KAT6B: variants seen among roughly 807,000 people sequenced by gnomAD.
KAT6B encodes the protein histone acetyltransferase KAT6B.
Under a neutral mutation model 187.5 loss-of-function variants are expected in KAT6B, and 10 were observed. That is an observed-to-expected ratio of 0.05 (90% CI 0.03 to 0.09). The LOEUF (loss-of-function observed/expected upper bound fraction) is 0.09. KAT6B is among the 10% of genes least tolerant of loss of function. The pLI is 1.00. For missense variants in KAT6B, 1,952 were observed against 2,558.9 expected (o/e 0.76, Z 5.12); for synonymous variants, 861 against 926.8 (o/e 0.93, Z 1.29).
In KAT6B at chr10:74,842,720, G is replaced by C; in HGVS notation, c.-138G>C. 1.1e-6 allele frequency: 1 copy of C among 935,998 alleles called. No homozygotes were observed. Among genetic ancestry groups the C allele is most frequent in the Non-Finnish European group, 1.7e-6 (1 of 587,790 alleles). 58.0% of individuals were successfully genotyped at this position (935,998 alleles called of 1,614,324 possible). A position where few individuals can be genotyped will look rare whatever the true frequency, so the allele number is the denominator to read the frequency against. On this transcript the variant is annotated 5_prime_UTR_variant, in exon 3 of 18. Coordinates refer to ENST00000287239, the MANE Select transcript of KAT6B (RefSeq NM_012330.4). ...TTGAATCTCTTAAGGATGGATGTTTGTAAGATGTTGCTTAATACAGTCTGG... is the reference window on the plus strand; with the variant it reads ...TTGAATCTCTTAAGGATGGATGTTTCTAAGATGTTGCTTAATACAGTCTGG...
intron 6 of KAT6B, among the ~76,000 whole-genome samples, chr10:74,970,452 G>A (rs929980915): frequency 1.4e-4 from 22 of 152,018 alleles, no homozygotes; most frequent in African/African-American, 5.1e-4. Context: ...ACAGTGTTAA[G>A]AGCTTAACAA....
intron 3 of KAT6B, among the ~76,000 whole-genome samples, chr10:74,928,784 C>G (rs1215419660): frequency 6.6e-6 from 1 of 152,174 alleles, no homozygotes; most frequent in Non-Finnish European, 1.5e-5. Context: ...TGACCTTGGT[C>G]TGAGGCATGT....
chr10:74,972,104 A>G (rs537090820), intron 6 of KAT6B, among the ~76,000 whole-genome samples: 4 of 152,206 alleles, frequency 2.6e-5, no homozygotes, highest in Non-Finnish European at 5.9e-5. Context: ...TTAGTGTTGG[A>G]ACTTTCCAGA....
intron 3 of KAT6B, among the ~76,000 whole-genome samples, chr10:74,937,194 G>C (rs1849334430): frequency 6.6e-6 from 1 of 152,164 alleles, no homozygotes; most frequent in African/African-American, 2.4e-5. Context: ...AGAATTGTAT[G>C]TTTAGCTTAA....
chr10:74,868,758 G>A (rs141446215), intron 3 of KAT6B, among the ~76,000 whole-genome samples: 140 of 152,254 alleles, frequency 9.2e-4, no homozygotes, highest in African/African-American at 3.2e-3. Context: ...GGGTGTCGCC[G>A]TTTATATATG....
intron 3 of KAT6B, among the ~76,000 whole-genome samples, chr10:74,905,859 C>T (rs952378407): frequency 6.6e-6 from 1 of 152,160 alleles, no homozygotes; most frequent in Non-Finnish European, 1.5e-5. Flanking sequence ...TCTGAGTGGA[C>T]CACTCCTTCC....
At chr10:74,999,132 G>A (rs1328414395) in intron 13 of KAT6B, among the ~76,000 whole-genome samples, 2 of 152,216 alleles carry the variant, frequency 1.3e-5, no homozygotes, top group Non-Finnish European at 2.9e-5. Context: ...AGAGGCCAGA[G>A]TCAATGGAGG....
chr10:75,029,381 C>T lies in KAT6B; in HGVS notation c.4557C>T (p.Asn1519=). The stretch of plus-strand genomic sequence containing the variant: ...AGGCACAGAAGCAGGACCAAAAGAA[C>T]AGCAAGGAAGTCGATACAGAGTTCA... ...GEQAQKQDQK[N]SKEVDTEFKE... Residue 1519 remains asparagine (N), a synonymous_variant, in exon 18 of 18, where the codon AAC becomes AAT. Coordinates refer to ENST00000287239, the MANE Select transcript of KAT6B (RefSeq NM_012330.4). This position sits in a 1 kb window ranked among gnomAD's most constrained non-coding sequence, Gnocchi z 6.2. The T allele has an allele frequency of 1.2e-6, 2 of 1,614,084 alleles. No homozygotes were observed. The highest frequency in any genetic ancestry group is 1.6e-4 in the Middle Eastern group (1 of 6,062).
At chr10:74,967,596 C>A (rs879801814) in intron 4 of KAT6B, among the ~76,000 whole-genome samples, 3 of 152,130 alleles carry the variant, frequency 2.0e-5, no homozygotes, top group Non-Finnish European at 2.9e-5. Flanking sequence ...ATGGCCAATT[C>A]TCTTGAGCTA....
chr10:74,833,418 A>G (rs1841032380), intron 1 of KAT6B, among the ~76,000 whole-genome samples: 1 of 152,214 alleles, frequency 6.6e-6, no homozygotes, highest in Non-Finnish European at 1.5e-5. Context: ...CTGTTTTACA[A>G]GGGATCAAAT....
chr10:74,910,127 T>TAAA (rs74778723), intron 3 of KAT6B, among the ~76,000 whole-genome samples: 1 of 110,256 alleles, frequency 9.1e-6, no homozygotes, highest in African/African-American at 4.9e-5. Context: ...CCATCTCTAC[T>TAAA]AAAAAAAAAA....
At chr10:74,891,230 A>G (rs1845625487) in intron 3 of KAT6B, among the ~76,000 whole-genome samples, 1 of 152,212 alleles carries the variant, frequency 6.6e-6, no homozygotes, top group Admixed American at 6.5e-5. Flanking sequence ...CTCGACCTTG[A>G]TGTTAGCTGG....
chr10:74,950,683 A>G (rs920873263), intron 3 of KAT6B, among the ~76,000 whole-genome samples: 3 of 152,184 alleles, frequency 2.0e-5, no homozygotes, highest in African/African-American at 7.2e-5. Flanking sequence ...AGAGTTCTGA[A>G]GTAGCAAACA....
At chr10:74,830,770 T>TATATATATATATGTATATATATA (rs60886313) in intron 1 of KAT6B, among the ~76,000 whole-genome samples, 1 of 9,630 alleles carries the variant, frequency 1.0e-4, no homozygotes, top group African/African-American at 3.0e-4. Context: ...ATATATATAT[T>TATATATATATATGTATATATATA]TTTTTTTTTT....
At chr10:74,974,822 T>C (rs1842056319) in intron 7 of KAT6B, among the ~76,000 whole-genome samples, 1 of 152,262 alleles carries the variant, frequency 6.6e-6, no homozygotes, top group Non-Finnish European at 1.5e-5. Flanking sequence ...AGAGTATTAT[T>C]GGTTATCTTA....
chr10:74,872,438 C>T (rs969020055), intron 3 of KAT6B, among the ~76,000 whole-genome samples: 3 of 152,142 alleles, frequency 2.0e-5, no homozygotes, highest in Admixed American at 1.3e-4. Flanking sequence ...TGCAGTGACA[C>T]GATCTCGGCT....
At chr10:74,951,962 T>C (rs528524044) in intron 3 of KAT6B, among the ~76,000 whole-genome samples, 4 of 152,232 alleles carry the variant, frequency 2.6e-5, no homozygotes, top group Non-Finnish European at 5.9e-5. Flanking sequence ...ATGAACAGTC[T>C]CTGCCATCAT....
At chr10:74,930,143 G>C (rs1848772891) in intron 3 of KAT6B, among the ~76,000 whole-genome samples, 1 of 152,020 alleles carries the variant, frequency 6.6e-6, no homozygotes, top group Admixed American at 6.6e-5. Flanking sequence ...GGCTGGTCCC[G>C]AACTCCTGGC....
chr10:74,996,681 A>C (rs962002699), intron 13 of KAT6B, among the ~76,000 whole-genome samples: 1 of 151,790 alleles, frequency 6.6e-6, no homozygotes, highest in Non-Finnish European at 1.5e-5. Flanking sequence ...AGGCAGGAGA[A>C]TCACTTGAAC....
Sources: gnomAD v4.1 joint callset for allele counts (sites outside exome capture counted in the v4.1 genomes callset) on GRCh38, gnomAD v4.1.1 for gene constraint, Gnocchi (gnomAD v3.1) non-coding constraint, MANE v1.5 for transcripts, NCBI Gene and HGNC (gene_info 2026-07-23, HGNC 2026-07-21) for gene names.